The following DICER1 variants were observed in gnomAD, a reference collection of about 807,000 sequenced individuals.
The protein encoded by DICER1 is dicer 1, ribonuclease III.
Under a neutral mutation model 194.1 loss-of-function variants are expected in DICER1, and 43 were observed. The ratio of observed to expected loss-of-function variants is 0.22; its 90% CI spans 0.17 to 0.29. The LOEUF is 0.29. Ranked by LOEUF, DICER1 falls within the 10% of genes least tolerant of loss-of-function variation. The pLI, the probability that DICER1 is intolerant of heterozygous loss-of-function variation, is 1.00. For missense variants in DICER1, 1,608 were observed against 2,317.0 expected, an observed-to-expected ratio of 0.69 and a Z score of 6.28; for synonymous variants, 832 against 820.5, an observed-to-expected ratio of 1.01 and a Z score of -0.24.
At position 95,099,823 on chromosome 14, in the gene DICER1, T is replaced by C; in HGVS notation, c.4163A>G (p.Asn1388Ser). ...VNWLPPGYVV[N>S]QDKSNTDKWE... ...TTTATCTGTGTTGCTTTTGTCTTGA[T>C]TTACTACATAACCAGGAGGAAGCCA... The change falls in exon 22 of 27, where the codon AAT becomes AGT. Residue 1388 changes from asparagine (N) to serine (S), a missense_variant. By Grantham distance (46) the Asn-to-Ser change is conservative (BLOSUM62 1). Coordinates refer to ENST00000343455, the MANE Select transcript of DICER1 (RefSeq NM_177438.3). 1 of 1,613,916 alleles carries C rather than the reference T, an allele frequency of 6.2e-7. No homozygotes were observed. Among genetic ancestry groups the C allele is most frequent in the African/African-American group, 1.3e-5 (1 of 74,964 alleles).
rs1444674059 is a variant in DICER1 at position 95,087,177 on chromosome 14, G to C, written c.*3321C>G. 4.3e-6 allele frequency: 1 copy of C among 233,190 alleles called. No individual in the cohort carries two copies. Among genetic ancestry groups the C allele is most frequent in the Non-Finnish European group, 8.5e-6 (1 of 117,840 alleles). The allele number at this position is 233,190 out of a possible 1,614,324, so 14.4% of individuals were successfully genotyped here. A position where few individuals can be genotyped will look rare whatever the true frequency, so the allele number is the denominator to read the frequency against. ...CTGCCGGGGGAACACCTGGATTCAT[G>C]AACCAAAGCAGCCTCAAGTTTCATG... On this transcript the variant is annotated 3_prime_UTR_variant, in exon 27 of 27. Transcript: ENST00000343455.
At chr14:95,122,609 T>C (rs1217321173) in intron 8 of DICER1, among the ~76,000 whole-genome samples, 5 of 152,214 alleles carry the variant, frequency 3.3e-5, no homozygotes, top group Admixed American at 6.5e-5. Flanking sequence ...GATTCTAGAA[T>C]TGTCTCTGCC....
chr14:95,130,229 T>C lies in DICER1; in HGVS notation c.439-37A>G. ...TCAACATCAGTAAACAAACATAGCATTCACTGCCTGGATATACTTACATAA... is the reference window on the plus strand; with the variant it reads ...TCAACATCAGTAAACAAACATAGCACTCACTGCCTGGATATACTTACATAA... On this transcript the variant is annotated intron_variant, in intron 4 of 26. Transcript: ENST00000343455. 3 of 1,597,548 alleles carry C rather than the reference T, an allele frequency of 1.9e-6. No individual in the cohort carries two copies. The African/African-American group carries it at 4.0e-5, about 21-fold the overall frequency.
At chr14:95,095,720 G>T (rs1418274233) in intron 23 of DICER1, 105 bp downstream of exon 23, 1 of 1,212,552 alleles carries the variant, frequency 8.2e-7, no homozygotes, top group Non-Finnish European at 1.2e-6. Context: ...TGAATATTAA[G>T]CATGAACACT....
At chr14:95,107,552 G>C in intron 17 of DICER1, 56 bp downstream of exon 17, 1 of 1,587,662 alleles carries the variant, frequency 6.3e-7, no homozygotes, top group Non-Finnish European at 8.6e-7. Flanking sequence ...GCCCGACCTA[G>C]TGCATCTTTT....
rs377325189 is a variant in DICER1, at chr14:95,091,087, G to C, written c.5550C>G (p.Pro1850=). 1 of 1,614,006 alleles carries C rather than the reference G, an allele frequency of 6.2e-7. No homozygotes were observed. ...CAAGCAATTCTCGCACAGGGGAACG[G>C]GGTACATTTGCAGAAAACTTTTCTG... ...PLIEKFSANV[P]RSPVRELLEM... is the part of the protein sequence containing the mutation. The change falls in exon 26 of 27, where the codon CCC becomes CCG. Residue 1850 remains proline (P), a synonymous_variant. Coordinates refer to ENST00000343455, the MANE Select transcript of DICER1 (RefSeq NM_177438.3).
chr14:95,092,050 T>C (rs1222396864), intron 24 of DICER1, among the ~76,000 whole-genome samples: 2 of 152,218 alleles, frequency 1.3e-5, no homozygotes, highest in South Asian at 2.1e-4. Flanking sequence ...CATAAGCGTA[T>C]TTATCACCTC....
chr14:95,117,323 C>T (rs1324813990), intron 9 of DICER1, among the ~76,000 whole-genome samples: 1 of 151,970 alleles, frequency 6.6e-6, no homozygotes, highest in South Asian at 2.1e-4. Context: ...TAAGGTCATA[C>T]ATGCTTTGTC....
At chr14:95,147,667 TG>T (rs1450485962) in intron 1 of DICER1, among the ~76,000 whole-genome samples, 2 of 152,196 alleles carry the variant, frequency 1.3e-5, no homozygotes, top group Non-Finnish European at 1.5e-5. Flanking sequence ...CTTCTATTAA[TG>T]ACTGAATTCC....
In DICER1 at chr14:95,124,243, G is replaced by A. The variant is rs776143079; in HGVS notation, c.1329C>T (p.Cys443=). 5.5e-5 allele frequency: 88 copies of A among 1,613,614 alleles called. No individual in the cohort carries two copies. Among genetic ancestry groups the A allele is most frequent in the East Asian group, 2.7e-4 (12 of 44,894 alleles). The change falls in exon 8 of 27, where the codon TGC becomes TGT. Residue 443 remains cysteine, a synonymous_variant. Transcript: ENST00000343455. The surrounding 1 kb of genome is among the most constrained non-coding windows in gnomAD (Gnocchi z 4.5). ...ATCTTCTTTCCACAAAAATAATTCCGCACAAAATGTTGGTAAAAGGAGAAG... is the reference window on the plus strand; with the variant it reads ...ATCTTCTTTCCACAAAAATAATTCCACACAAAATGTTGGTAAAAGGAGAAG... ...NFPSPFTNIL[C]GIIFVERRYT... is the part of the protein sequence containing the mutation.
At chr14:95,102,721 C>T (rs559731070) in intron 21 of DICER1, among the ~76,000 whole-genome samples, 13 of 152,212 alleles carry the variant, frequency 8.5e-5, no homozygotes, top group Admixed American at 6.5e-4. Flanking sequence ...AATATCTTAC[C>T]TTCATTCCTT....
In DICER1 at chr14:95,088,559, T is replaced by A. The variant is rs900739132; in HGVS notation, c.*1939A>T. 6.0e-5 allele frequency: 14 copies of A among 231,922 alleles called. No homozygotes were observed. The highest frequency in any genetic ancestry group is 2.0e-4 in the African/African-American group (9 of 45,282). The allele number at this position is 231,922 out of a possible 1,614,324, so 14.4% of individuals were successfully genotyped here. On this transcript the variant is annotated 3_prime_UTR_variant, in exon 27 of 27. Coordinates refer to ENST00000343455, the MANE Select transcript of DICER1 (RefSeq NM_177438.3). ...TTGTTTTAACTGGTCATATCTTACA[T>A]TAAGGTTTTTTAAAAAATCAAATAG... is the stretch of plus-strand genomic sequence containing the variant.
intron 1 of DICER1, among the ~76,000 whole-genome samples, chr14:95,136,354 C>G (rs1894371086): frequency 2.6e-5 from 4 of 152,138 alleles, no homozygotes; most frequent in African/African-American, 9.7e-5. Flanking sequence ...AACAGTGGCT[C>G]ACTGATCAAG....
At chr14:95,127,639 C>T (rs1893587876) in intron 6 of DICER1, among the ~76,000 whole-genome samples, 1 of 152,198 alleles carries the variant, frequency 6.6e-6, no homozygotes, top group African/African-American at 2.4e-5. Context: ...TGAAATGTTC[C>T]ACTTGTGGCA....
chr14:95,117,325 T>C (rs1303660512), intron 9 of DICER1, among the ~76,000 whole-genome samples: 1 of 152,184 alleles, frequency 6.6e-6, no homozygotes, highest in Non-Finnish European at 1.5e-5. Context: ...AGGTCATACA[T>C]GCTTTGTCTT....
intron 1 of DICER1, among the ~76,000 whole-genome samples, chr14:95,153,605 T>C (rs1277209478): frequency 6.6e-6 from 1 of 152,236 alleles, no homozygotes; most frequent in African/African-American, 2.4e-5. Context: ...ATGCTTCCTT[T>C]CATTAATCAA....
intron 14 of DICER1, among the ~76,000 whole-genome samples, chr14:95,110,279 C>T (rs1027282187): frequency 5.9e-5 from 9 of 152,132 alleles, no homozygotes; most frequent in Admixed American, 1.3e-4. Flanking sequence ...CAGTTCAGGG[C>T]CAAGGGTGCC....
In DICER1 at chr14:95,096,290, T is replaced by C. The variant is rs1555367720; in HGVS notation, c.4630A>G (p.Ile1544Val). 6.2e-7 allele frequency: 1 copy of C among 1,614,214 alleles called. No homozygotes were observed. ...NCGVDTGKQS[I>V]SYDLHTEQCI... ...TGCTCAGTGTGCAAGTCGTAAGAAA[T>C]GGACTGCTTTCCCGTGTCAACACCA... Residue 1544 changes from isoleucine to valine, a missense_variant, in exon 23 of 27, where the codon ATT (isoleucine) becomes GTT (valine). This residue lies in a region of DICER1 where 13 missense variants were observed against 35.7 expected (regional missense o/e 0.36). Transcript: ENST00000343455.
chr14:95,103,550 A>G lies in DICER1; in HGVS notation c.3846T>C (p.Ser1282=). 1 of 1,614,200 alleles carries G rather than the reference A, an allele frequency of 6.2e-7. No individual in the cohort carries two copies. Among genetic ancestry groups the G allele is most frequent in the Non-Finnish European group, 8.5e-7 (1 of 1,180,016 alleles). Residue 1282 remains serine (S), a synonymous_variant, in exon 21 of 27, where the codon TCT becomes TCC. Coordinates refer to ENST00000343455, the MANE Select transcript of DICER1 (RefSeq NM_177438.3). ...KGRMDSEQSP[S]IGYSSRTLGP... ...CAAGAGTCCTTGAGGAGTACCCAATAGAAGGGCTCTGCTCAGAATCCATCC... is the reference window on the plus strand; with the variant it reads ...CAAGAGTCCTTGAGGAGTACCCAATGGAAGGGCTCTGCTCAGAATCCATCC...
Sources: allele counts gnomAD v4.1 joint callset (sites outside exome capture counted in the v4.1 genomes callset), GRCh38; gene constraint gnomAD v4.1.1; regional missense constraint gnomAD v4.1.1; non-coding constraint Gnocchi (gnomAD v3.1); transcripts MANE v1.5; gene names NCBI Gene and HGNC (gene_info 2026-07-23, HGNC 2026-07-21).